Variants in CTNNA3 observed in about 807,000 individuals in gnomAD.
CTNNA3 encodes the protein catenin alpha 3, also known as catenin alpha-3.
A neutral mutation model predicts 95.7 loss-of-function variants in CTNNA3; 76 were observed. The observed-to-expected ratio is 0.79, with a 90% CI of 0.66 to 0.96. The LOEUF (loss-of-function observed/expected upper bound fraction) is 0.96, where lower values mean the gene tolerates loss of function less well. Among genes scored for constraint, CTNNA3 ranks in the 40% least tolerant of loss-of-function variants. The pLI, the probability that CTNNA3 is intolerant of heterozygous loss-of-function variation, is 0.00. For synonymous variants in CTNNA3, 431 were observed against 374.4 expected, an observed-to-expected ratio of 1.15 and a Z score of -1.74; for missense variants, 1,191 against 1,089.8, an observed-to-expected ratio of 1.09 and a Z score of -1.31.
At chr10:66,896,053 C>T (rs577099147) in intron 7 of CTNNA3, among the ~76,000 whole-genome samples, 5 of 151,886 alleles carry the variant, frequency 3.3e-5, no homozygotes, top group African/African-American at 7.2e-5. Flanking sequence ...GCCGAGATTG[C>T]GCCATTGCAC....
chr10:66,767,604 TG>T (rs1809301689), intron 8 of CTNNA3, among the ~76,000 whole-genome samples: 1 of 151,856 alleles, frequency 6.6e-6, no homozygotes, highest in East Asian at 1.9e-4. Flanking sequence ...GACAGAAAAA[TG>T]TAATTTTTCT....
chr10:66,854,221 A>G (rs1328185610), intron 7 of CTNNA3, among the ~76,000 whole-genome samples: 1 of 152,070 alleles, frequency 6.6e-6, no homozygotes, highest in Non-Finnish European at 1.5e-5. Context: ...AAAAATAGGC[A>G]TGTTTTGAAG....
intron 6 of CTNNA3, among the ~76,000 whole-genome samples, chr10:67,212,151 A>G (rs189806411): frequency 6.6e-6 from 1 of 152,158 alleles, no homozygotes; most frequent in East Asian, 1.9e-4. Flanking sequence ...TTTCATTATT[A>G]ACTACCTCAA....
intron 3 of CTNNA3, among the ~76,000 whole-genome samples, chr10:67,567,825 T>C (rs1416785842): frequency 1.3e-5 from 2 of 152,164 alleles, no homozygotes; most frequent in Admixed American, 6.6e-5. Context: ...CAAGAGTCAG[T>C]TGGAGGGCTA....
intron 15 of CTNNA3, among the ~76,000 whole-genome samples, chr10:66,008,280 A>G (rs2133384487): frequency 6.6e-6 from 1 of 152,362 alleles, no homozygotes; most frequent in South Asian, 2.1e-4. Flanking sequence ...TGCAGCTTTC[A>G]GGAGGAAACT....
rs752215072 is a variant in CTNNA3, at chr10:66,117,165, G to T, written c.1885-13916C>A. On this transcript the variant is annotated intron_variant, in intron 13 of 17. Transcript: ENST00000433211. Reference sequence around the variant, plus strand: ...AGTAAGCTTTTGGGTTTGATATATGGGTTCCTTATCTTGATTATGGTGATA... The same window carrying T: ...AGTAAGCTTTTGGGTTTGATATATGTGTTCCTTATCTTGATTATGGTGATA... Among the ~76,000 whole-genome samples the T allele has an allele frequency of 3.9e-5, 6 of 152,012 alleles. No individual in the cohort carries two copies. In the South Asian group the frequency reaches 6.2e-4, roughly 16 times the overall value.
intron 5 of CTNNA3, among the ~76,000 whole-genome samples, chr10:67,489,650 C>T (rs1848579213): frequency 6.6e-6 from 1 of 151,710 alleles, no homozygotes; most frequent in African/African-American, 2.4e-5. Flanking sequence ...GCTCCTAGGA[C>T]TGAATGCAAC....
chr10:66,758,332 A>G (rs1409981657), intron 9 of CTNNA3, among the ~76,000 whole-genome samples: 1 of 152,222 alleles, frequency 6.6e-6, no homozygotes, highest in Non-Finnish European at 1.5e-5. Flanking sequence ...AACACAAAAG[A>G]CAAAAATGGA....
chr10:66,051,346 G>C (rs905070040), intron 15 of CTNNA3, among the ~76,000 whole-genome samples: 2 of 152,192 alleles, frequency 1.3e-5, no homozygotes, highest in African/African-American at 4.8e-5. Flanking sequence ...GCACATGAAT[G>C]AACAAATAAG....
intron 5 of CTNNA3, among the ~76,000 whole-genome samples, chr10:67,520,511 T>C (rs900395780): frequency 4.6e-5 from 7 of 152,202 alleles, no homozygotes; most frequent in Non-Finnish European, 8.8e-5. Context: ...GGAGTGACTC[T>C]GGTGTGAACG....
intron 7 of CTNNA3, among the ~76,000 whole-genome samples, chr10:67,159,087 A>C (rs1004080610): frequency 4.6e-5 from 7 of 152,208 alleles, no homozygotes; most frequent in African/African-American, 9.6e-5. Flanking sequence ...TCATAACTTA[A>C]AAATCGATGT....
chr10:67,196,375 A>C (rs1056031852), intron 6 of CTNNA3, among the ~76,000 whole-genome samples: 3 of 152,126 alleles, frequency 2.0e-5, no homozygotes, highest in African/African-American at 7.2e-5. Context: ...TAGTAAGTCA[A>C]AGAGTACATA....
chr10:66,116,192 G>T (rs2082334760), intron 13 of CTNNA3, among the ~76,000 whole-genome samples: 1 of 152,196 alleles, frequency 6.6e-6, no homozygotes, highest in Non-Finnish European at 1.5e-5. Context: ...ATAAGTGGCT[G>T]TGAAACTAGC....
intron 7 of CTNNA3, among the ~76,000 whole-genome samples, chr10:66,853,828 A>C (rs1843587542): frequency 6.6e-6 from 1 of 152,100 alleles, no homozygotes; most frequent in South Asian, 2.1e-4. Flanking sequence ...TATTGAGAAA[A>C]GTACATAATT....
At chr10:67,264,148 A>T (rs1866724418) in intron 5 of CTNNA3, among the ~76,000 whole-genome samples, 1 of 152,144 alleles carries the variant, frequency 6.6e-6, no homozygotes, top group Admixed American at 6.6e-5. Context: ...TAGGGACTTG[A>T]CATGTTTTAT....
chr10:66,648,844 T>G (rs1845797179), intron 9 of CTNNA3, among the ~76,000 whole-genome samples: 1 of 152,114 alleles, frequency 6.6e-6, no homozygotes, highest in African/African-American at 2.4e-5. Context: ...TATACACAGG[T>G]TGGAAATTCA....
rs116304165 is a variant in CTNNA3, at chr10:66,928,692, G to A, written c.1048-153168C>T. ...ACAATCAATGTGAAGCTTGAACTCCGGTTTAATATAATACCTATTGTATAA... is the reference window on the plus strand; with the variant it reads ...ACAATCAATGTGAAGCTTGAACTCCAGTTTAATATAATACCTATTGTATAA... On this transcript the variant is annotated intron_variant, in intron 7 of 17. Coordinates refer to ENST00000433211, the MANE Select transcript of CTNNA3 (RefSeq NM_013266.4). Among the ~76,000 whole-genome samples, 988 of 152,192 alleles carry A rather than the reference G, an allele frequency of 6.5e-3. 10 individuals are homozygous for A. The highest frequency in any genetic ancestry group is 0.023 in the African/African-American group (936 of 41,524).
At position 65,986,297 on chromosome 10, in the gene CTNNA3, CA is replaced by C. The variant is rs1291660598; in HGVS notation, c.2265+2394del. ...AAAATGAAAAATAAAAATATATATA[CA>C]AAAAAAAGAAAAACCTAAAGGCTCT... is the stretch of plus-strand genomic sequence containing the variant. On this transcript the variant is annotated intron_variant, in intron 16 of 17. Transcript: ENST00000433211. Among the ~76,000 whole-genome samples, 17 of 128,668 alleles carry C rather than the reference CA, an allele frequency of 1.3e-4. No homozygotes were observed. In the South Asian group the frequency reaches 3.8e-3, roughly 29 times the overall value. 84.4% of individuals were successfully genotyped at this position (128,668 alleles called of 152,430 possible).
intron 11 of CTNNA3, among the ~76,000 whole-genome samples, chr10:66,440,184 G>A (rs1048150458): frequency 3.9e-5 from 6 of 152,070 alleles, no homozygotes; most frequent in East Asian, 1.9e-4. Flanking sequence ...AAATTAATGC[G>A]AGCCAAAATG....
Sources: allele counts gnomAD v4.1 joint callset (sites outside exome capture counted in the v4.1 genomes callset), GRCh38; gene constraint gnomAD v4.1.1; transcripts MANE v1.5; gene names NCBI Gene and HGNC (gene_info 2026-07-23, HGNC 2026-07-21).